The following FCER1A variants were observed in gnomAD, a reference collection of about 807,000 sequenced individuals.
The protein encoded by FCER1A is high affinity immunoglobulin epsilon receptor subunit alpha.
In FCER1A, 24 loss-of-function variants were observed where a neutral mutation model predicts 23.6. The observed-to-expected ratio is 1.02, with a 90% CI of 0.74 to 1.43. The LOEUF (loss-of-function observed/expected upper bound fraction) is 1.43, where lower values mean the gene tolerates loss of function less well. FCER1A is among the 40% of genes most tolerant of loss of function. The pLI, the probability that FCER1A is intolerant of heterozygous loss-of-function variation, is 0.00. For missense variants in FCER1A, 318 were observed against 294.5 expected (o/e 1.08, Z -0.58); for synonymous variants, 121 against 108.8 (o/e 1.11, Z -0.70).
intron 3 of FCER1A, among the ~76,000 whole-genome samples, chr1:159,304,665 C>G (rs1652546883): frequency 6.6e-6 from 1 of 152,108 alleles, no homozygotes; most frequent in African/African-American, 2.4e-5. Context: ...ACCCCCTTCC[C>G]TTTTGATTAC....
At chr1:159,288,899 C>A (rs746988806), upstream of FCER1A, among the ~76,000 whole-genome samples, 1 of 152,148 alleles carries the variant, frequency 6.6e-6, no homozygotes, top group Non-Finnish European at 1.5e-5. Flanking sequence ...ATATATAATT[C>A]TCACAAAACA....
chr1:159,293,172 G>C (rs899951916), intron 1 of FCER1A, among the ~76,000 whole-genome samples: 3 of 143,418 alleles, frequency 2.1e-5, no homozygotes, highest in Non-Finnish European at 3.2e-5. Flanking sequence ...TACACACTGT[G>C]TGTGTGTGTG....
intron 2 of FCER1A, among the ~76,000 whole-genome samples, chr1:159,303,398 C>A (rs1420422417): frequency 1.3e-5 from 2 of 152,180 alleles, no homozygotes; most frequent in South Asian, 4.1e-4. Context: ...CTTAGTGCCT[C>A]TCACTACTTT....
chr1:159,306,054 AT>A lies in FCER1A; in HGVS notation c.399del (p.His133GlnfsTer11). The A allele has an allele frequency of 1.2e-6, 2 of 1,613,954 alleles. No individual in the cohort carries two copies. The highest frequency in any genetic ancestry group is 1.7e-6 in the Non-Finnish European group (2 of 1,179,864). ...MEGQPLFLRCHGWRNWDVYKV... is the reference protein window; with the variant it reads ...MEGQPLFLRCXGWRNWDVYKV... ...GGCCAGCCCCTCTTCCTCAGGTGCC[AT>A]GGTTGGAGGAACTGGGATGTGTACA... On this transcript the variant is annotated frameshift_variant, in exon 4 of 5. Transcript: ENST00000693622. LOFTEE classifies it high-confidence loss of function.
upstream of FCER1A, among the ~76,000 whole-genome samples, chr1:159,286,860 T>A (rs924679593): frequency 6.6e-6 from 1 of 152,214 alleles, no homozygotes; most frequent in Non-Finnish European, 1.5e-5. Context: ...CAAATAGTCA[T>A]AATCCAGCAA....
upstream of FCER1A, among the ~76,000 whole-genome samples, chr1:159,288,906 A>C (rs1274924943): frequency 1.3e-5 from 2 of 152,200 alleles, no homozygotes; most frequent in African/African-American, 2.4e-5. Flanking sequence ...ATTCTCACAA[A>C]ACATTCTGAG....
upstream of FCER1A, among the ~76,000 whole-genome samples, chr1:159,289,521 A>G (rs1298574756): frequency 1.3e-5 from 2 of 152,116 alleles, no homozygotes; most frequent in Non-Finnish European, 2.9e-5. Flanking sequence ...TGAAATTACT[A>G]CTACTGCTGT....
In FCER1A at chr1:159,307,970, T is replaced by A. The variant is rs771690270; in HGVS notation, c.*38T>A. ...AGAAATATTTGCAACATTAGTTTTT[T>A]TCCAGCATCAGCAATTGCTACTCAA... On this transcript the variant is annotated 3_prime_UTR_variant, in exon 5 of 5. Transcript: ENST00000693622. 3 of 1,501,464 alleles carry A rather than the reference T, an allele frequency of 2.0e-6. No individual in the cohort carries two copies. In the African/African-American group the frequency reaches 4.1e-5, roughly 21 times the overall value. The allele number at this position is 1,501,464 out of a possible 1,614,324, so 93.0% of individuals were successfully genotyped here.
At chr1:159,294,713 T>A (rs1234809606) in intron 1 of FCER1A, among the ~76,000 whole-genome samples, 1 of 152,188 alleles carries the variant, frequency 6.6e-6, no homozygotes, top group East Asian at 1.9e-4. Flanking sequence ...AAATATATGA[T>A]GAAGAATGTT....
chr1:159,308,084 G>C lies in FCER1A; in HGVS notation c.*152G>C. ...CATTAAACTGAGTGAAACTGGTTAAGTGGCATGTAATAGTAAGTGCTCAAT... is the reference window on the plus strand; with the variant it reads ...CATTAAACTGAGTGAAACTGGTTAACTGGCATGTAATAGTAAGTGCTCAAT... On this transcript the variant is annotated 3_prime_UTR_variant, in exon 5 of 5. Coordinates refer to ENST00000693622, the MANE Select transcript of FCER1A (RefSeq NM_001387280.1). The C allele has an allele frequency of 1.9e-6, 1 of 530,124 alleles. No homozygotes were observed. Among genetic ancestry groups the C allele is most frequent in the Non-Finnish European group, 3.3e-6 (1 of 303,282 alleles). 32.8% of individuals were successfully genotyped at this position (530,124 alleles called of 1,614,324 possible). A position where few individuals can be genotyped will look rare whatever the true frequency, so the allele number is the denominator to read the frequency against.
At chr1:159,303,174 A>G (rs1479062213) in intron 2 of FCER1A, among the ~76,000 whole-genome samples, 1 of 152,080 alleles carries the variant, frequency 6.6e-6, no homozygotes, top group Admixed American at 6.5e-5. Flanking sequence ...TATTATTATT[A>G]TTGCCATTTT....
upstream of FCER1A, among the ~76,000 whole-genome samples, chr1:159,285,733 G>GT (rs1335569397): frequency 2.6e-5 from 4 of 151,976 alleles, no homozygotes; most frequent in Non-Finnish European, 5.9e-5. Flanking sequence ...ATTATTTATT[G>GT]TTTTTTGAAA....
chr1:159,299,565 A>G (rs1652376213), upstream of FCER1A, among the ~76,000 whole-genome samples: 1 of 152,196 alleles, frequency 6.6e-6, no homozygotes, highest in Non-Finnish European at 1.5e-5. Context: ...GGCTCCCAAC[A>G]TCAAATAACA....
intron 3 of FCER1A, among the ~76,000 whole-genome samples, chr1:159,305,219 C>T (rs756627302): frequency 1.2e-4 from 19 of 152,156 alleles, no homozygotes; most frequent in Admixed American, 7.8e-4. Flanking sequence ...CTAGAGAAGT[C>T]CTAAAGGATT....
chr1:159,300,427 C>T (rs2102226256), upstream of FCER1A, among the ~76,000 whole-genome samples: 1 of 152,268 alleles, frequency 6.6e-6, no homozygotes, highest in African/African-American at 2.4e-5. Context: ...CCCGTCTCTT[C>T]CAGGGCTTAG....
At chr1:159,294,319 C>T (rs1428745506) in intron 1 of FCER1A, among the ~76,000 whole-genome samples, 10 of 152,166 alleles carry the variant, frequency 6.6e-5, no homozygotes, top group Non-Finnish European at 4.4e-5. Flanking sequence ...GGAACCTTCT[C>T]TTAATTTCTA....
chr1:159,304,092 G>T lies in FCER1A; in HGVS notation c.241G>T (p.Val81Leu). Residue 81 changes from valine (V) to leucine (L), a missense_variant, in exon 3 of 5, where the codon GTG becomes TTG. Physicochemically the swap from Val to Leu is conservative, Grantham distance 32 (BLOSUM62 1). Coordinates refer to ENST00000693622, the MANE Select transcript of FCER1A (RefSeq NM_001387280.1). ...SEETNSSLNI[V>L]NAKFEDSGEY... ...AGAGACAAATTCAAGTTTGAATATT[G>T]TGAATGCCAAATTTGAAGACAGTGG... 1 of 1,614,006 alleles carries T rather than the reference G, an allele frequency of 6.2e-7. No individual in the cohort carries two copies. The highest frequency in any genetic ancestry group is 8.5e-7 in the Non-Finnish European group (1 of 1,179,892).
intron 4 of FCER1A, 148 bp downstream of exon 4, chr1:159,306,393 G>T (rs899886068): frequency 1.3e-5 from 9 of 674,964 alleles, no homozygotes; most frequent in African/African-American, 5.4e-5. Flanking sequence ...CTGGGTGATA[G>T]TATATATCTC....
At chr1:159,286,340 A>ATT (rs3051939), upstream of FCER1A, among the ~76,000 whole-genome samples, 10,323 of 149,220 alleles carry the variant, frequency 0.069, 982 homozygotes, top group East Asian at 0.5. Flanking sequence ...TGTCTAAATC[A>ATT]TTTTTTTTTT....
Sources: allele counts gnomAD v4.1 joint callset (sites outside exome capture counted in the v4.1 genomes callset), GRCh38; gene constraint gnomAD v4.1.1; transcripts MANE v1.5; gene names NCBI Gene and HGNC (gene_info 2026-07-23, HGNC 2026-07-21).